The following TK1 variants were observed in gnomAD, a reference collection of about 807,000 sequenced individuals.
TK1 encodes thymidine kinase 1.
Under a neutral mutation model 22.4 loss-of-function variants are expected in TK1, and 13 were observed. That is an observed-to-expected ratio of 0.58 (90% CI 0.38 to 0.92). TK1 has a LOEUF of 0.92. Ranked by LOEUF, TK1 falls within the 40% of genes least tolerant of loss-of-function variation. The pLI is 0.00. For missense variants in TK1, 251 were observed against 315.7 expected (o/e 0.80, Z 1.55); for synonymous variants, 134 against 125.4 (o/e 1.07, Z -0.46).
At chr17:78,176,194 G>C (rs923289023) in intron 4 of TK1, among the ~76,000 whole-genome samples, 6 of 151,932 alleles carry the variant, frequency 3.9e-5, no homozygotes, top group African/African-American at 1.2e-4. Flanking sequence ...GGATGACACA[G>C]CACAGCCTTC....
Position 78,179,335 on chromosome 17 carries a change from C to T in TK1, c.303+3254G>A, listed in dbSNP as rs534834450. ...TATTCCCAGCCTGGGCTCACTTTCT[C>T]GCCAGGAGTCCCTCAAGCACGGGGC... On this transcript the variant is annotated intron_variant, in intron 4 of 6. Coordinates refer to ENST00000301634, the MANE Select transcript of TK1 (RefSeq NM_003258.5). 9.1e-6 allele frequency: 9 copies of T among 985,344 alleles called. No homozygotes were observed. The South Asian group carries it at 1.4e-4, about 15-fold the overall frequency. 61.0% of individuals were successfully genotyped at this position (985,344 alleles called of 1,614,324 possible). A position where few individuals can be genotyped will look rare whatever the true frequency, so the allele number is the denominator to read the frequency against.
chr17:78,186,708 G>C, intron 2 of TK1, 79 bp downstream of exon 2: 2 of 1,157,852 alleles, frequency 1.7e-6, no homozygotes, highest in Non-Finnish European at 2.3e-6. Context: ...GGGAGGGGAG[G>C]GAAGGGGAGG....
rs2075798683 is a variant in TK1 at position 78,186,667 on chromosome 17, G to A, written c.98+120C>T. ...GGCTGTGCTGGTCCTTCTAGGGGAA[G>A]GGAAGGGGAGGGAAGGGAAGGGGAG... On this transcript the variant is annotated intron_variant, in intron 2 of 6. Transcript: ENST00000301634. 5 of 980,860 alleles carry A rather than the reference G, an allele frequency of 5.1e-6. No individual in the cohort carries two copies. The East Asian group carries it at 1.1e-4, about 21-fold the overall frequency. 60.8% of individuals were successfully genotyped at this position (980,860 alleles called of 1,614,324 possible).
At chr17:78,175,234 CCT>C in intron 5 of TK1, 65 bp from the exon 6 acceptor site, 2 of 1,445,330 alleles carry the variant, frequency 1.4e-6, no homozygotes, top group Non-Finnish European at 1.8e-6. Context: ...TCTTTTAAAC[CCT>C]CTGATTCACA....
chr17:78,178,236 A>G (rs899682958), intron 4 of TK1, among the ~76,000 whole-genome samples: 1 of 152,198 alleles, frequency 6.6e-6, no homozygotes, highest in Non-Finnish European at 1.5e-5. Flanking sequence ...CAAGCCCACC[A>G]CACACTGTGC....
chr17:78,175,465 G>C (rs1042347311), intron 5 of TK1, 64 bp downstream of exon 5: 22 of 1,495,440 alleles, frequency 1.5e-5, no homozygotes, highest in Non-Finnish European at 2.0e-5. Flanking sequence ...TGGTGTCTCT[G>C]TGCCCATCCA....
chr17:78,180,293 C>T (rs1418963207), intron 4 of TK1, among the ~76,000 whole-genome samples: 1 of 152,220 alleles, frequency 6.6e-6, no homozygotes, highest in African/African-American at 2.4e-5. Context: ...CCCCATCAAC[C>T]GGCCTGGAAC....
chr17:78,186,973 T>G lies in TK1; in HGVS notation c.22A>C (p.Thr8Pro), dbSNP rs2075810205. 10 of 1,579,574 alleles carry G rather than the reference T, an allele frequency of 6.3e-6. No homozygotes were observed. The highest frequency in any genetic ancestry group is 8.6e-6 in the Non-Finnish European group (10 of 1,163,148). The change falls in exon 1 of 7, where the codon ACT (threonine) becomes CCT (proline). Residue 8 changes from threonine to proline, a missense_variant. Transcript: ENST00000301634. ...TTGCTGGGGGAGCCAGGCAGCACAGTGGGCAGGTTAATGCAGCTCATTGCG... is the reference window on the plus strand; with the variant it reads ...TTGCTGGGGGAGCCAGGCAGCACAGGGGGCAGGTTAATGCAGCTCATTGCG... The part of the protein sequence containing the change: MSCINLP[T>P]VLPGSPSKTR...
In TK1 at chr17:78,174,738, C is replaced by T. The variant is rs199746840; in HGVS notation, c.*21G>A. The T allele has an allele frequency of 4.1e-5, 64 of 1,557,834 alleles. No individual in the cohort carries two copies. Among genetic ancestry groups the T allele is most frequent in the South Asian group, 7.2e-5 (6 of 83,134 alleles). On this transcript the variant is annotated 3_prime_UTR_variant, in exon 7 of 7. Transcript: ENST00000301634. ...GTAGGCGGCAGTGGCAGGAAGGGAG[C>T]GGGCGGCCCTCGCAGGTCCCTCAGT...
intron 4 of TK1, among the ~76,000 whole-genome samples, chr17:78,177,867 C>T (rs78917591): frequency 0.09 from 13,522 of 150,508 alleles, 931 homozygotes; most frequent in African/African-American, 0.19. Context: ...AGCCACTGCG[C>T]CTGGCTTTGT....
At chr17:78,175,417 C>T (rs576658936) in intron 5 of TK1, 112 bp downstream of exon 5, 93 of 1,197,456 alleles carry the variant, frequency 7.8e-5, no homozygotes, top group Admixed American at 2.4e-4. Context: ...GCAGCTCGGC[C>T]GTAACCCTGT....
intron 4 of TK1, 150 bp downstream of exon 4, chr17:78,182,438 AG>A: frequency 2.0e-6 from 1 of 502,948 alleles, no homozygotes; most frequent in Non-Finnish European, 3.4e-6. Flanking sequence ...GAAACTAGAA[AG>A]GGGCCTTCAG....
intron 4 of TK1, chr17:78,179,692 G>C (rs1213285090): frequency 1.0e-6 from 1 of 985,328 alleles, no homozygotes; most frequent in African/African-American, 1.7e-5. Context: ...GAGCGGCCTG[G>C]CTCTGTGCTG....
rs767737828 is a variant in TK1, at chr17:78,175,523, C to A, written c.393+6G>T. Reference sequence around the variant, plus strand: ...CCCAGCTCCAGACCTGGATCAGACGCCTTACCTTCCTCTGGAAGGTCCCAT... The same window carrying A: ...CCCAGCTCCAGACCTGGATCAGACGACTTACCTTCCTCTGGAAGGTCCCAT... On this transcript the variant is annotated splice_donor_region_variant and intron_variant, in intron 5 of 6. Coordinates refer to ENST00000301634, the MANE Select transcript of TK1 (RefSeq NM_003258.5). 2 of 1,612,514 alleles carry A rather than the reference C, an allele frequency of 1.2e-6. No homozygotes were observed. The highest frequency in any genetic ancestry group is 1.1e-5 in the South Asian group (1 of 90,978).
intron 4 of TK1, among the ~76,000 whole-genome samples, chr17:78,180,782 C>A (rs1252825198): frequency 6.6e-6 from 1 of 152,138 alleles, no homozygotes; most frequent in Admixed American, 6.6e-5. Context: ...TTCATTCCTT[C>A]CCCAGAAATG....
rs1466072339 is a variant in TK1, at chr17:78,175,128, G to A, written c.435C>T (p.Ser145=). The A allele has an allele frequency of 3.1e-6, 5 of 1,613,224 alleles. No homozygotes were observed. The highest frequency in any genetic ancestry group is 2.2e-5 in the East Asian group (1 of 44,844). ...AILNLVPLAE[S]VVKLTAVCME... ...TGCACACCGCCGTCAGCTTCACCAC[G>A]CTCTCGGCCAGCGGCACCAGGTTCA... is the stretch of plus-strand genomic sequence containing the variant. The change falls in exon 6 of 7, where the codon AGC becomes AGT. Residue 145 remains serine, a synonymous_variant. Coordinates refer to ENST00000301634, the MANE Select transcript of TK1 (RefSeq NM_003258.5).
At chr17:78,182,703 C>G in intron 3 of TK1, 21 bp from the exon 4 acceptor site, 1 of 1,540,306 alleles carries the variant, frequency 6.5e-7, no homozygotes, top group South Asian at 1.2e-5. Flanking sequence ...AAAGCCAGAG[C>G]GTGAGCAGGG....
intron 4 of TK1, among the ~76,000 whole-genome samples, chr17:78,181,261 A>G (rs2075735485): frequency 2.0e-5 from 3 of 151,486 alleles, no homozygotes; most frequent in African/African-American, 7.3e-5. Context: ...AATAAAAATT[A>G]AAAAGGCCGG....
intron 5 of TK1, 27 bp from the exon 6 acceptor site, chr17:78,175,196 C>T (rs8072887): frequency 0.052 from 82,967 of 1,581,356 alleles, 3,129 homozygotes; most frequent in African/African-American, 0.16. Context: ...AGACAGAGGG[C>T]GCTCAGCCAC....
Sources: gnomAD v4.1 joint callset for allele counts (sites outside exome capture counted in the v4.1 genomes callset) on GRCh38, gnomAD v4.1.1 for gene constraint, MANE v1.5 for transcripts, NCBI Gene and HGNC (gene_info 2026-07-23, HGNC 2026-07-21) for gene names.